SMPX: variants seen among roughly 807,000 people sequenced by gnomAD.
The protein encoded by SMPX is small muscular protein.
In SMPX, 2 loss-of-function variants were observed where a neutral mutation model predicts 6.3. That is an observed-to-expected ratio of 0.32 (90% CI 0.13 to 0.99). The LOEUF is 0.99. SMPX is among the 50% of genes least tolerant of loss of function. The pLI is 0.49. For missense variants in SMPX, 60 were observed against 66.8 expected (o/e 0.90, Z 0.36); for synonymous variants, 32 against 24.7 (o/e 1.30, Z -0.88).
In SMPX at chrX:21,706,054, G is replaced by A. The variant is rs998832824; in HGVS notation, c.*355C>T. 19 of 506,675 alleles carry A rather than the reference G, an allele frequency of 3.7e-5. No individual in the cohort carries two copies. The highest frequency in any genetic ancestry group is 9.2e-5 in the African/African-American group (4 of 43,315). 41.8% of individuals were successfully genotyped at this position (506,675 alleles called of 1,213,427 possible). A position where few individuals can be genotyped will look rare whatever the true frequency, so the allele number is the denominator to read the frequency against. On this transcript the variant is annotated 3_prime_UTR_variant, in exon 5 of 5. Transcript: ENST00000379494. ...AATTTAAAAGGTGAAGAACTAAAAC[G>A]CATTCCAAATATTGACCAAAATACT...
intron 4 of SMPX, chrX:21,733,788 G>A (rs2092807548): frequency 3.1e-6 from 1 of 321,089 alleles, no homozygotes; most frequent in Admixed American, 3.3e-5. Context: ...GTGTAGGCAG[G>A]CTGTGGGGTT....
In SMPX at chrX:21,717,853, A is replaced by G. The variant is rs147977756; in HGVS notation, c.*15-11459T>C. Among the ~76,000 whole-genome samples, 523 of 112,329 alleles carry G rather than the reference A, an allele frequency of 4.7e-3. 2 individuals are homozygous for G. The highest frequency in any genetic ancestry group is 0.019 in the Middle Eastern group (4 of 216). On this transcript the variant is annotated intron_variant, in intron 4 of 4. Coordinates refer to ENST00000379494, the MANE Select transcript of SMPX (RefSeq NM_014332.3). The stretch of plus-strand genomic sequence containing the variant: ...GGTAGGAGTTAGCCAGATAATGAAT[A>G]CGGGAGGGAACAAAGATCAAAAAAT...
chrX:21,756,749 C>A (rs1270773772), intron 1 of SMPX, among the ~76,000 whole-genome samples: 1 of 112,802 alleles, frequency 8.9e-6, no homozygotes, highest in Non-Finnish European at 1.9e-5. Flanking sequence ...CTTAGATACA[C>A]ACTCCACTCC....
intron 4 of SMPX, 124 bp from the exon 5 acceptor site, chrX:21,706,518 A>G (rs1376661011): frequency 4.5e-6 from 1 of 222,680 alleles, no homozygotes; most frequent in Non-Finnish European, 8.2e-6. Flanking sequence ...ATGCATACAT[A>G]CATTGTGAAA....
intron 2 of SMPX, among the ~76,000 whole-genome samples, chrX:21,745,139 C>T (rs2092820065): frequency 1.8e-5 from 2 of 111,937 alleles, no homozygotes; most frequent in South Asian, 7.3e-4. Context: ...GGGAAGTAAC[C>T]GGAGAGGTAC....
chrX:21,720,913 C>T (rs370007727), intron 4 of SMPX, among the ~76,000 whole-genome samples: 23 of 112,440 alleles, frequency 2.0e-4, no homozygotes, highest in South Asian at 7.4e-4. Flanking sequence ...TTAAAAGAAA[C>T]GCCAATGGAA....
chrX:21,709,738 G>A (rs754274122), intron 4 of SMPX, among the ~76,000 whole-genome samples: 71 of 111,959 alleles, frequency 6.3e-4, no homozygotes, highest in African/African-American at 2.2e-3. Flanking sequence ...GCCAGGGTAT[G>A]CTGTAGCCAC....
At chrX:21,750,852 C>T (rs900814619) in intron 2 of SMPX, among the ~76,000 whole-genome samples, 3 of 112,118 alleles carry the variant, frequency 2.7e-5, no homozygotes, top group Non-Finnish European at 5.6e-5. Context: ...CCATGCATTA[C>T]TTGGATACTT....
intron 4 of SMPX, among the ~76,000 whole-genome samples, chrX:21,725,435 AG>A (rs1442953967): frequency 2.7e-5 from 3 of 112,652 alleles, no homozygotes; most frequent in Admixed American, 9.4e-5. Context: ...CTTTGAGAGT[AG>A]GGCAATGGCA....
chrX:21,735,871 T>C (rs981473452), intron 4 of SMPX, among the ~76,000 whole-genome samples: 1 of 111,493 alleles, frequency 9.0e-6, no homozygotes, highest in African/African-American at 3.3e-5. Context: ...CATCTCAACT[T>C]GGCAACACAA....
chrX:21,730,919 G>C, intron 4 of SMPX, among the ~76,000 whole-genome samples: 1 of 111,950 alleles, frequency 8.9e-6, no homozygotes. Flanking sequence ...TAAAGGGCAT[G>C]TTTCCCAAAT....
At chrX:21,719,443 G>A (rs1022477445) in intron 4 of SMPX, among the ~76,000 whole-genome samples, 10 of 110,130 alleles carry the variant, frequency 9.1e-5, no homozygotes, top group Non-Finnish European at 1.9e-4. Flanking sequence ...GCTTGAACCC[G>A]GGAGGGGGCG....
intron 4 of SMPX, among the ~76,000 whole-genome samples, chrX:21,731,522 G>GTATATA (rs2092803886): frequency 1.1e-5 from 1 of 87,562 alleles, no homozygotes; most frequent in African/African-American, 4.0e-5. Flanking sequence ...GTGTGTATGT[G>GTATATA]TACACATACA....
At chrX:21,735,842 C>A (rs750860265) in intron 4 of SMPX, among the ~76,000 whole-genome samples, 1 of 111,868 alleles carries the variant, frequency 8.9e-6, no homozygotes, top group Non-Finnish European at 1.9e-5. Context: ...AGTTTCATCC[C>A]TACCATATTG....
chrX:21,736,190 T>C (rs2092810242), intron 4 of SMPX, among the ~76,000 whole-genome samples: 1 of 112,481 alleles, frequency 8.9e-6, no homozygotes, highest in African/African-American at 3.2e-5. Context: ...TCAGTGTAAG[T>C]GTAACACAAA....
chrX:21,750,581 G>A (rs764897031), intron 2 of SMPX, among the ~76,000 whole-genome samples: 1 of 112,277 alleles, frequency 8.9e-6, no homozygotes, highest in African/African-American at 3.2e-5. Flanking sequence ...AGCTGCTTAG[G>A]GGACAAAGGC....
chrX:21,737,479 T>G (rs1445539335), intron 4 of SMPX, 70 bp downstream of exon 4: 1 of 914,126 alleles, frequency 1.1e-6, no homozygotes, highest in African/African-American at 1.9e-5. Flanking sequence ...CCAGATTTCT[T>G]CTGTGGAAGG....
At chrX:21,717,070 T>C (rs939855167) in intron 4 of SMPX, among the ~76,000 whole-genome samples, 3 of 111,822 alleles carry the variant, frequency 2.7e-5, no homozygotes, top group African/African-American at 9.8e-5. Context: ...TAAATCTTTC[T>C]TAGGTGAAGA....
chrX:21,748,082 G>A (rs1476645618), intron 2 of SMPX, among the ~76,000 whole-genome samples: 1 of 111,899 alleles, frequency 8.9e-6, no homozygotes, highest in Non-Finnish European at 1.9e-5. Flanking sequence ...TTTTCATAAC[G>A]GATTAGAAAA....
Sources: allele counts gnomAD v4.1 joint callset (sites outside exome capture counted in the v4.1 genomes callset), GRCh38; gene constraint gnomAD v4.1.1; transcripts MANE v1.5; gene names NCBI Gene and HGNC (gene_info 2026-07-23, HGNC 2026-07-21).